Variants in CREB5 observed in about 807,000 individuals in gnomAD.
CREB5 encodes cyclic AMP-responsive element-binding protein 5.
In CREB5, 19 loss-of-function variants were observed where a neutral mutation model predicts 57.1. The observed-to-expected ratio is 0.33, with a 90% CI of 0.23 to 0.49. The LOEUF is 0.49. CREB5 is among the 20% of genes least tolerant of loss of function. The pLI, the probability that CREB5 is intolerant of heterozygous loss-of-function variation, is 0.99. For missense variants in CREB5, 579 were observed against 671.6 expected (o/e 0.86, Z 1.52); for synonymous variants, 238 against 238.3 (o/e 1.00, Z 0.01).
chr7:28,461,051 AC>A (rs1790331112), intron 1 of CREB5, among the ~76,000 whole-genome samples: 1 of 151,996 alleles, frequency 6.6e-6, no homozygotes, highest in Non-Finnish European at 1.5e-5. Context: ...ACAAAAAAAA[AC>A]AAAATGAAAT....
chr7:28,497,586 T>A (rs74924857), intron 3 of CREB5, among the ~76,000 whole-genome samples: 1,641 of 152,332 alleles, frequency 0.011, 21 homozygotes, highest in African/African-American at 0.037. Flanking sequence ...AAGTGCTAAA[T>A]TTTAAAACTT....
intron 1 of CREB5, among the ~76,000 whole-genome samples, chr7:28,357,698 A>C (rs904661890): frequency 2.6e-5 from 4 of 152,192 alleles, no homozygotes; most frequent in Non-Finnish European, 5.9e-5. Flanking sequence ...GGGAACACGG[A>C]GTATATGCAT....
intron 7 of CREB5, among the ~76,000 whole-genome samples, chr7:28,735,802 C>T (rs999439757): frequency 6.6e-6 from 1 of 151,014 alleles, no homozygotes; most frequent in African/African-American, 2.4e-5. Context: ...CTGTGTGCTT[C>T]CTCTCTCTCT....
chr7:28,535,963 A>G (rs549576085), intron 4 of CREB5, among the ~76,000 whole-genome samples: 29 of 152,298 alleles, frequency 1.9e-4, no homozygotes, highest in Admixed American at 5.9e-4. Flanking sequence ...AACTTAATTA[A>G]AACACATCAG....
chr7:28,354,339 T>C (rs1786297786), intron 1 of CREB5, among the ~76,000 whole-genome samples: 1 of 152,104 alleles, frequency 6.6e-6, no homozygotes, highest in Non-Finnish European at 1.5e-5. Flanking sequence ...GCAGCCAGGA[T>C]ATAAAACAGC....
chr7:28,809,958 G>A (rs2128804949), intron 9 of CREB5, among the ~76,000 whole-genome samples: 1 of 152,228 alleles, frequency 6.6e-6, no homozygotes, highest in South Asian at 2.1e-4. Context: ...AAGAAAGAAA[G>A]GTTGATGGTC....
chr7:28,422,305 G>C (rs1788303538), intron 1 of CREB5, among the ~76,000 whole-genome samples: 1 of 152,130 alleles, frequency 6.6e-6, no homozygotes, highest in Non-Finnish European at 1.5e-5. Flanking sequence ...GCTCCAAAGA[G>C]GGAAGAATTT....
chr7:28,341,573 C>T (rs560410631), intron 1 of CREB5, among the ~76,000 whole-genome samples: 15 of 152,314 alleles, frequency 9.8e-5, no homozygotes, highest in South Asian at 8.3e-4. Flanking sequence ...CTGATTGTAT[C>T]GGCTTTCATC....
intron 1 of CREB5, among the ~76,000 whole-genome samples, chr7:28,365,705 G>A (rs1024226342): frequency 1.3e-5 from 2 of 152,118 alleles, no homozygotes; most frequent in Admixed American, 1.3e-4. Context: ...CCTCTAGGTC[G>A]CCCATGACCT....
chr7:28,651,786 A>T (rs928705998), intron 5 of CREB5, among the ~76,000 whole-genome samples: 5 of 151,990 alleles, frequency 3.3e-5, no homozygotes, highest in African/African-American at 1.2e-4. Context: ...TTTAATTTTA[A>T]TTTTATTCTT....
At chr7:28,643,009 C>T (rs1358553061) in intron 5 of CREB5, among the ~76,000 whole-genome samples, 5 of 138,914 alleles carry the variant, frequency 3.6e-5, no homozygotes, top group East Asian at 2.7e-4. Flanking sequence ...CACACACACA[C>T]ACACACACAC....
chr7:28,552,015 C>CTCTCTCTCTT lies in CREB5; in HGVS notation c.292-18342_292-18333dup, dbSNP rs1184567920. 9.4e-5 allele frequency among the ~76,000 whole-genome samples: 12 copies of CTCTCTCTCTT among 128,164 alleles called. 1 individual carries two copies. The highest frequency in any genetic ancestry group is 3.2e-4 in the African/African-American group (11 of 34,044). The allele number at this position is 128,164 out of a possible 152,430, so 84.1% of individuals were successfully genotyped here. ...TCTCTTTTCTCTCTCTCTCTCTTTT[C>CTCTCTCTCTT]TCTCTCTCTTTCTCTCTTTTCTCTC... On this transcript the variant is annotated intron_variant, in intron 4 of 10. Transcript: ENST00000357727.
At chr7:28,417,342 T>C (rs1374147525) in intron 1 of CREB5, among the ~76,000 whole-genome samples, 3 of 145,120 alleles carry the variant, frequency 2.1e-5, no homozygotes, top group Non-Finnish European at 4.5e-5. Flanking sequence ...TTACATTCTC[T>C]CTTTCTCTCT....
chr7:28,550,929 G>A (rs773293220), intron 4 of CREB5, among the ~76,000 whole-genome samples: 6 of 152,140 alleles, frequency 3.9e-5, no homozygotes, highest in Admixed American at 6.5e-5. Context: ...AAACAACGCC[G>A]GCTGAAGGCT....
intron 4 of CREB5, among the ~76,000 whole-genome samples, chr7:28,558,199 A>G (rs1449794184): frequency 6.6e-6 from 1 of 152,186 alleles, no homozygotes; most frequent in Admixed American, 6.5e-5. Flanking sequence ...TGCATTGCTT[A>G]GTTTGGTTTT....
rs1440724965 is a variant in CREB5 at position 28,608,146 on chromosome 7, C to A, written c.464+37609C>A. Among the ~76,000 whole-genome samples the A allele has an allele frequency of 4.0e-5, 6 of 151,330 alleles. No homozygotes were observed. In the East Asian group the frequency reaches 1.2e-3, roughly 30 times the overall value. ...ACTCACACACACACACACACACACA[C>A]ACACACACACTCTCAAACTTTCTTT... On this transcript the variant is annotated intron_variant, in intron 5 of 10. Coordinates refer to ENST00000357727, the MANE Select transcript of CREB5 (RefSeq NM_182898.4).
chr7:28,748,898 A>T (rs1053124302), intron 7 of CREB5, among the ~76,000 whole-genome samples: 2 of 152,222 alleles, frequency 1.3e-5, no homozygotes, highest in Non-Finnish European at 2.9e-5. Context: ...GGGCTCTCCC[A>T]GTGTCGTAGC....
At chr7:28,718,193 A>G (rs113358183) in intron 5 of CREB5, among the ~76,000 whole-genome samples, 1,556 of 152,354 alleles carry the variant, frequency 0.01, 41 homozygotes, top group African/African-American at 0.035. Flanking sequence ...CTGCCGCACC[A>G]GGATCCGGCT....
At chr7:28,453,960 T>TTTTTTTTTTC (rs1789966619) in intron 1 of CREB5, among the ~76,000 whole-genome samples, 1 of 141,072 alleles carries the variant, frequency 7.1e-6, no homozygotes, top group Admixed American at 7.2e-5. Context: ...CTCCAATTCT[T>TTTTTTTTTTC]TTTTTTTTTT....
Sources: allele counts gnomAD v4.1 joint callset (sites outside exome capture counted in the v4.1 genomes callset), GRCh38; gene constraint gnomAD v4.1.1; transcripts MANE v1.5; gene names NCBI Gene and HGNC (gene_info 2026-07-23, HGNC 2026-07-21).